The following FAM110B variants were observed in gnomAD, a reference collection of about 807,000 sequenced individuals.
FAM110B encodes the protein family with sequence similarity 110 member B, also known as protein FAM110B.
In FAM110B, 6 loss-of-function variants were observed where a neutral mutation model predicts 20.4. The observed-to-expected ratio is 0.29, with a 90% CI of 0.16 to 0.58. FAM110B has a LOEUF of 0.58. Among genes scored for constraint, FAM110B ranks in the 20% least tolerant of loss-of-function variants. The probability of loss-of-function intolerance (pLI) is 0.90; values close to 1 mark genes in which losing one functional copy is unlikely to be tolerated. For synonymous variants in FAM110B, 226 were observed against 214.1 expected (o/e 1.06, Z -0.49); for missense variants, 434 against 498.2 (o/e 0.87, Z 1.23).
intron 3 of FAM110B, among the ~76,000 whole-genome samples, chr8:58,142,306 G>A (rs1803759880): frequency 6.6e-6 from 1 of 152,202 alleles, no homozygotes; most frequent in Non-Finnish European, 1.5e-5. Context: ...AGCATCACCT[G>A]GGATCTGGTG....
chr8:58,081,602 C>G (rs950177145), intron 3 of FAM110B, among the ~76,000 whole-genome samples: 12 of 152,120 alleles, frequency 7.9e-5, no homozygotes, highest in African/African-American at 2.7e-4. Flanking sequence ...TCCAAAGCCA[C>G]CTCTCATCTG....
chr8:58,132,067 A>G (rs1248129434), intron 3 of FAM110B, among the ~76,000 whole-genome samples: 2 of 152,150 alleles, frequency 1.3e-5, no homozygotes, highest in Non-Finnish European at 2.9e-5. Context: ...TAGAATACTT[A>G]TTTTCCACGA....
At chr8:58,058,938 C>A (rs1192822118) in intron 2 of FAM110B, among the ~76,000 whole-genome samples, 1 of 152,130 alleles carries the variant, frequency 6.6e-6, no homozygotes, top group African/African-American at 2.4e-5. Flanking sequence ...CCAGCAAATT[C>A]TCTCTTGCCA....
At position 58,094,858 on chromosome 8, in the gene FAM110B, G is replaced by T. The variant is rs1002112712; in HGVS notation, c.-325+19235G>T. Among the ~76,000 whole-genome samples, 3 of 152,024 alleles carry T rather than the reference G, an allele frequency of 2.0e-5. No homozygotes were observed. The East Asian group carries it at 5.8e-4, about 29-fold the overall frequency. Reference sequence around the variant, plus strand: ...CCTCTTTGTAGCTCTGGTAGAATTCGCTATGAATTCATCTTGTCTTGGATT... The same window carrying T: ...CCTCTTTGTAGCTCTGGTAGAATTCTCTATGAATTCATCTTGTCTTGGATT... On this transcript the variant is annotated intron_variant, in intron 3 of 3. Coordinates refer to ENST00000519262, the MANE Select transcript of FAM110B (RefSeq NM_001377989.1).
At chr8:58,030,662 CAATA>C (rs1464563502) in intron 1 of FAM110B, among the ~76,000 whole-genome samples, 1 of 152,150 alleles carries the variant, frequency 6.6e-6, no homozygotes, top group Non-Finnish European at 1.5e-5. Flanking sequence ...CAGTAAATCT[CAATA>C]AAGAAGATAT....
chr8:58,100,824 A>G (rs1430682785), intron 3 of FAM110B: 1 of 152,212 alleles, frequency 6.6e-6, no homozygotes, highest in African/African-American at 2.4e-5. Context: ...GTTAGAACTT[A>G]CACTAATGAA....
intron 3 of FAM110B, among the ~76,000 whole-genome samples, chr8:58,118,415 C>T (rs928217381): frequency 6.6e-5 from 10 of 152,170 alleles, no homozygotes; most frequent in African/African-American, 1.2e-4. Flanking sequence ...CATCCCAAAA[C>T]GGGTTATCTT....
Position 58,086,541 on chromosome 8 carries a change from ACCTG to A in FAM110B, c.-325+10919_-325+10922del, listed in dbSNP as rs202158701. 3.3e-3 allele frequency among the ~76,000 whole-genome samples: 497 copies of A among 152,298 alleles called. 2 individuals are homozygous for A. The highest frequency in any genetic ancestry group is 0.011 in the African/African-American group (461 of 41,568). ...GACTGAAACCTGGCTTTGAAGTGCT[ACCTG>A]AAGTGTTCTTAAGTCTCATACTGAG... On this transcript the variant is annotated intron_variant, in intron 3 of 3. Coordinates refer to ENST00000519262, the MANE Select transcript of FAM110B (RefSeq NM_001377989.1).
intron 1 of FAM110B, among the ~76,000 whole-genome samples, chr8:58,003,671 C>T (rs547325181): frequency 6.6e-6 from 1 of 152,258 alleles, no homozygotes; most frequent in South Asian, 2.1e-4. Context: ...TGTAATTGAG[C>T]AGTAATATTT....
intron 3 of FAM110B, among the ~76,000 whole-genome samples, chr8:58,135,858 G>A (rs1585916334): frequency 6.6e-6 from 1 of 152,208 alleles, no homozygotes; most frequent in East Asian, 1.9e-4. Flanking sequence ...GGAACTCACA[G>A]CACAAAGACT....
In FAM110B at chr8:58,042,744, A is replaced by G. The variant is rs139535541; in HGVS notation, c.-414+11041A>G. 3.5e-3 allele frequency among the ~76,000 whole-genome samples: 527 copies of G among 152,356 alleles called. 5 individuals are homozygous for G. The highest frequency in any genetic ancestry group is 0.012 in the African/African-American group (494 of 41,588). ...GTTTCTTGTGTATGTTGTGTTTTCT[A>G]CTATCTAAAACTGTAATCCACATCA... On this transcript the variant is annotated intron_variant, in intron 2 of 3. Coordinates refer to ENST00000519262, the MANE Select transcript of FAM110B (RefSeq NM_001377989.1).
At chr8:58,144,813 T>C (rs1563385600) in intron 3 of FAM110B, among the ~76,000 whole-genome samples, 2 of 152,180 alleles carry the variant, frequency 1.3e-5, no homozygotes, top group Admixed American at 1.3e-4. Context: ...TGGGAGGAAT[T>C]GTTTCCAGGG....
At chr8:58,044,513 C>T (rs1327018177) in intron 2 of FAM110B, among the ~76,000 whole-genome samples, 4 of 152,228 alleles carry the variant, frequency 2.6e-5, no homozygotes, top group Non-Finnish European at 4.4e-5. Flanking sequence ...ATAAAAGCAG[C>T]AGCTACCAGG....
chr8:58,017,719 C>T (rs894565578), intron 1 of FAM110B, among the ~76,000 whole-genome samples: 1 of 152,190 alleles, frequency 6.6e-6, no homozygotes, highest in Admixed American at 6.5e-5. Flanking sequence ...CCACAAGCTT[C>T]AGTATCTTGG....
intron 2 of FAM110B, among the ~76,000 whole-genome samples, chr8:58,034,490 G>A (rs780853769): frequency 3.3e-5 from 5 of 152,216 alleles, no homozygotes; most frequent in Non-Finnish European, 7.3e-5. Context: ...AGTGCTGAGG[G>A]TAAGAGTGTG....
At chr8:58,112,301 C>G (rs1449799673) in intron 3 of FAM110B, among the ~76,000 whole-genome samples, 1 of 152,164 alleles carries the variant, frequency 6.6e-6, no homozygotes, top group Non-Finnish European at 1.5e-5. Context: ...TGCACTCCAG[C>G]CTGGGTGACA....
intron 3 of FAM110B, among the ~76,000 whole-genome samples, chr8:58,102,799 C>G (rs1806811280): frequency 6.6e-6 from 1 of 152,120 alleles, no homozygotes; most frequent in African/African-American, 2.4e-5. Flanking sequence ...ATCTTCACTT[C>G]CACACAGCCC....
rs970448000 is a variant in FAM110B, at chr8:58,117,152, A to G, written c.-324-28755A>G. On this transcript the variant is annotated intron_variant, in intron 3 of 3. Transcript: ENST00000519262. ...GAGGGAAAAATCAGTATTATTAGGT[A>G]AACCAATTAGGGAATCTCAGTGAGG... is the stretch of plus-strand genomic sequence containing the variant. Among the ~76,000 whole-genome samples, 6 of 152,328 alleles carry G rather than the reference A, an allele frequency of 3.9e-5. No individual in the cohort carries two copies. In the South Asian group the frequency reaches 1.2e-3, roughly 32 times the overall value.
At position 58,079,506 on chromosome 8, in the gene FAM110B, G is replaced by A. The variant is rs905635110; in HGVS notation, c.-325+3883G>A. ...TTATCAAATTGGCAGTAGGGTGTTG[G>A]TGGCTTACGCTTGTAATCGCAGCAC... On this transcript the variant is annotated intron_variant, in intron 3 of 3. Transcript: ENST00000519262. 2.0e-5 allele frequency among the ~76,000 whole-genome samples: 3 copies of A among 152,180 alleles called. No individual in the cohort carries two copies. The East Asian group carries it at 5.8e-4, about 29-fold the overall frequency.
Sources: allele counts gnomAD v4.1 joint callset (sites outside exome capture counted in the v4.1 genomes callset), GRCh38; gene constraint gnomAD v4.1.1; transcripts MANE v1.5; gene names NCBI Gene and HGNC (gene_info 2026-07-23, HGNC 2026-07-21).